Variants in PHC2 observed in about 807,000 individuals in gnomAD.
The protein encoded by PHC2 is polyhomeotic homolog 2.
PHC2 carries 29 observed loss-of-function variants against 87.4 expected under a neutral mutation model. The observed-to-expected ratio is 0.33, with a 90% CI of 0.25 to 0.45. The LOEUF (loss-of-function observed/expected upper bound fraction) is 0.45. Ranked by LOEUF, PHC2 falls within the 20% of genes least tolerant of loss-of-function variation. PHC2 has a pLI of 1.00. For synonymous variants in PHC2, 438 were observed against 461.7 expected (o/e 0.95, Z 0.66); for missense variants, 857 against 1,136.7 (o/e 0.75, Z 3.54).
intron 1 of PHC2, among the ~76,000 whole-genome samples, chr1:33,406,511 ATCT>A (rs1292315749): frequency 6.6e-6 from 1 of 152,190 alleles, no homozygotes; most frequent in Non-Finnish European, 1.5e-5. Flanking sequence ...ACTGTTAAAT[ATCT>A]TCTTGAGGGC....
In PHC2 at chr1:33,368,559, C is replaced by T. The variant is rs888737353; in HGVS notation, c.640G>A (p.Ala214Thr). Residue 214 changes from alanine (A) to threonine (T), a missense_variant, in exon 6 of 15, where the codon GCC (alanine) becomes ACC (threonine). By Grantham distance (58) the Ala-to-Thr change is moderately conservative. Around this residue, in one of 3 missense-constraint regions of PHC2, gnomAD observed 832 missense variants for 1,081.8 expected, o/e 0.77. Coordinates refer to ENST00000683057, the MANE Select transcript of PHC2 (RefSeq NM_001385109.1). The surrounding 1 kb of genome is among the most constrained non-coding windows in gnomAD (Gnocchi z 6.6). ...ACCTGGGCGGGGGTGGGGGGCCGGG[C>T]GGGGGAGCCAGTGCCGAGCTCAGGC... The part of the protein sequence containing the change: ...VQPELGTGSP[A>T]RPPTPAQVQN... The T allele has an allele frequency of 1.8e-5, 28 of 1,534,940 alleles. No individual in the cohort carries two copies. The highest frequency in any genetic ancestry group is 3.9e-5 in the Admixed American group (2 of 50,748).
intron 2 of PHC2, among the ~76,000 whole-genome samples, chr1:33,374,829 A>ATGTG (rs1449395589): frequency 6.6e-6 from 1 of 152,182 alleles, no homozygotes; most frequent in Non-Finnish European, 1.5e-5. Context: ...CCTAATAATA[A>ATGTG]CCAAAAGGAT....
intron 1 of PHC2, among the ~76,000 whole-genome samples, chr1:33,407,310 G>A (rs1166580003): frequency 6.6e-6 from 1 of 152,128 alleles, no homozygotes; most frequent in Non-Finnish European, 1.5e-5. Context: ...TTCTGTGAAA[G>A]TGTTATCTTT....
intron 14 of PHC2, 124 bp from the exon 15 acceptor site, chr1:33,325,143 A>C: frequency 1.0e-6 from 1 of 962,294 alleles, no homozygotes; most frequent in Non-Finnish European, 1.5e-6. Context: ...CCTCATAACC[A>C]CGCCTTGAGG....
intron 1 of PHC2, among the ~76,000 whole-genome samples, chr1:33,393,240 T>A (rs1649147583): frequency 6.6e-6 from 1 of 152,154 alleles, no homozygotes; most frequent in Admixed American, 6.5e-5. Context: ...AAAGAATGCA[T>A]GCTGCATGCT....
chr1:33,421,189 T>C (rs1650422295), intron 1 of PHC2, among the ~76,000 whole-genome samples: 1 of 152,086 alleles, frequency 6.6e-6, no homozygotes, highest in South Asian at 2.1e-4. Flanking sequence ...TGTGATCTCA[T>C]GGGGGAAAGG....
At chr1:33,400,322 A>G (rs1403877619) in intron 1 of PHC2, among the ~76,000 whole-genome samples, 2 of 152,250 alleles carry the variant, frequency 1.3e-5, no homozygotes, top group Admixed American at 6.5e-5. Flanking sequence ...TTTAAGATCT[A>G]TGTACAAGGA....
Position 33,334,371 on chromosome 1 carries a change from C to CA in PHC2, c.1559-80dup. 1 of 1,312,464 alleles carries CA rather than the reference C, an allele frequency of 7.6e-7. No individual in the cohort carries two copies. 81.3% of individuals were successfully genotyped at this position (1,312,464 alleles called of 1,614,324 possible). ...CGCCCAGGGAGGGACAGCAAGGACT[C>CA]AAACTGCGCCCGGCTTTTACCGTGG... On this transcript the variant is annotated intron_variant, in intron 9 of 14. Transcript: ENST00000683057. This position sits in a 1 kb window ranked among gnomAD's most constrained non-coding sequence, Gnocchi z 5.5.
intron 2 of PHC2, among the ~76,000 whole-genome samples, chr1:33,373,459 C>G (rs1029211289): frequency 1.3e-5 from 2 of 152,026 alleles, no homozygotes; most frequent in Admixed American, 6.6e-5. Flanking sequence ...CTCCATCATT[C>G]CCTCTTTTTA....
chr1:33,426,598 G>A (rs1219316546), intron 1 of PHC2, among the ~76,000 whole-genome samples: 2 of 152,182 alleles, frequency 1.3e-5, no homozygotes, highest in East Asian at 3.9e-4. Context: ...GTTTCCAGAA[G>A]TCAGTCTAAG....
In PHC2 at chr1:33,349,281, G is replaced by C; in HGVS notation, c.1558+5120C>G. On this transcript the variant is annotated intron_variant, in intron 9 of 14. Transcript: ENST00000683057. This position sits in a 1 kb window ranked among gnomAD's most constrained non-coding sequence, Gnocchi z 4.2. ...CGAACGCACCGTCCGTCCCAGGGAA[G>C]TCGCAGCGGCGGGGAGGCCGGTCCT... The C allele has an allele frequency of 1.0e-6, 1 of 985,458 alleles. No homozygotes were observed. Among genetic ancestry groups the C allele is most frequent in the South Asian group, 4.7e-5 (1 of 21,292 alleles). The allele number at this position is 985,458 out of a possible 1,614,324, so 61.0% of individuals were successfully genotyped here. A position where few individuals can be genotyped will look rare whatever the true frequency, so the allele number is the denominator to read the frequency against.
At chr1:33,378,006 A>G (rs1648270607) in intron 1 of PHC2, among the ~76,000 whole-genome samples, 1 of 152,118 alleles carries the variant, frequency 6.6e-6, no homozygotes, top group Non-Finnish European at 1.5e-5. Flanking sequence ...TTAAGCAGTG[A>G]TTTTTCCTTA....
chr1:33,329,860 G>T (rs1646451554), intron 13 of PHC2, among the ~76,000 whole-genome samples: 1 of 152,212 alleles, frequency 6.6e-6, no homozygotes, highest in Admixed American at 6.5e-5. Context: ...CAAGGCCACG[G>T]AAGGGGGCAG....
rs544904116 is a variant in PHC2, at chr1:33,325,495, A to G, written c.2426-476T>C. The G allele has an allele frequency of 2.5e-5, 5 of 196,370 alleles. No homozygotes were observed. The South Asian group carries it at 3.9e-4, about 15-fold the overall frequency. 12.2% of individuals were successfully genotyped at this position (196,370 alleles called of 1,614,324 possible). A position where few individuals can be genotyped will look rare whatever the true frequency, so the allele number is the denominator to read the frequency against. ...TTGCCGTGTGAGTGAACCGTGCTGG[A>G]AGTGGGTTTTCTGGCTCCAGACCTC... On this transcript the variant is annotated intron_variant, in intron 14 of 14. Transcript: ENST00000683057.
At chr1:33,413,937 G>A (rs534664747) in intron 1 of PHC2, among the ~76,000 whole-genome samples, 14 of 152,166 alleles carry the variant, frequency 9.2e-5, no homozygotes, top group Non-Finnish European at 1.6e-4. Context: ...TGACAACTGA[G>A]TTATGGTGCT....
intron 2 of PHC2, among the ~76,000 whole-genome samples, chr1:33,372,809 G>A (rs1481863040): frequency 6.6e-6 from 1 of 152,214 alleles, no homozygotes; most frequent in Admixed American, 6.5e-5. Context: ...AGGCTTGTCA[G>A]GCACTCCTCT....
chr1:33,331,593 A>T lies in PHC2; in HGVS notation c.1892-131T>A. ...TCCCACAGCTGTGACATACAGCAGC[A>T]TTCTAGCATGGAAAATGCCAGTGGT... On this transcript the variant is annotated intron_variant, in intron 11 of 14. Transcript: ENST00000683057. This position sits in a 1 kb window ranked among gnomAD's most constrained non-coding sequence, Gnocchi z 5.2. 1 of 617,664 alleles carries T rather than the reference A, an allele frequency of 1.6e-6. No individual in the cohort carries two copies. The highest frequency in any genetic ancestry group is 2.9e-6 in the Non-Finnish European group (1 of 340,862). 38.3% of individuals were successfully genotyped at this position (617,664 alleles called of 1,614,324 possible). A position where few individuals can be genotyped will look rare whatever the true frequency, so the allele number is the denominator to read the frequency against.
intron 1 of PHC2, among the ~76,000 whole-genome samples, chr1:33,388,025 T>C (rs1179316346): frequency 2.0e-5 from 3 of 152,252 alleles, no homozygotes; most frequent in Non-Finnish European, 2.9e-5. Context: ...GTTGGTCCTG[T>C]TAGCAATGTT....
At chr1:33,330,758 G>A (rs564117262) in intron 12 of PHC2, among the ~76,000 whole-genome samples, 1 of 152,264 alleles carries the variant, frequency 6.6e-6, no homozygotes, top group South Asian at 2.1e-4. Flanking sequence ...CTTTAGAATT[G>A]GACAAGCCTA....
Sources: gnomAD v4.1 joint callset for allele counts (sites outside exome capture counted in the v4.1 genomes callset) on GRCh38, gnomAD v4.1.1 for gene constraint, gnomAD v4.1.1 regional missense constraint, Gnocchi (gnomAD v3.1) non-coding constraint, MANE v1.5 for transcripts, NCBI Gene and HGNC (gene_info 2026-07-23, HGNC 2026-07-21) for gene names.